The following DCAF17 variants were observed in gnomAD, a reference collection of about 807,000 sequenced individuals.
DCAF17 encodes DDB1- and CUL4-associated factor 17.
A neutral mutation model predicts 66.0 loss-of-function variants in DCAF17; 48 were observed. The observed-to-expected ratio is 0.73, with a 90% CI of 0.58 to 0.92. The LOEUF is 0.92. Ranked by LOEUF, DCAF17 falls within the 40% of genes least tolerant of loss-of-function variation. The probability of loss-of-function intolerance (pLI) is 0.00; values close to 1 mark genes in which losing one functional copy is unlikely to be tolerated. For missense variants in DCAF17, 562 were observed against 622.8 expected, an observed-to-expected ratio of 0.90 and a Z score of 1.04; for synonymous variants, 206 against 214.6, an observed-to-expected ratio of 0.96 and a Z score of 0.35.
At chr2:171,441,526 A>C (rs370019169) in intron 2 of DCAF17, among the ~76,000 whole-genome samples, 4 of 152,184 alleles carry the variant, frequency 2.6e-5, no homozygotes, top group African/African-American at 9.7e-5. Context: ...CCTCTTGACT[A>C]TACTGACCCA....
At chr2:171,447,326 A>G in intron 3 of DCAF17, 2 of 308,274 alleles carry the variant, frequency 6.5e-6, no homozygotes, top group Middle Eastern at 1.2e-3. Flanking sequence ...TGGCCTAAGC[A>G]GATACTAGAT....
At position 171,475,256 on chromosome 2, in the gene DCAF17, C is replaced by T. The variant is rs115048187; in HGVS notation, c.1091+1281C>T. ...TTCCCTGATGCCCTTGTTAGATTTG[C>T]TTGCCCATCATATTTTCATTGCACC... On this transcript the variant is annotated intron_variant, in intron 10 of 13. Coordinates refer to ENST00000375255, the MANE Select transcript of DCAF17 (RefSeq NM_025000.4). Among the ~76,000 whole-genome samples, 478 of 152,288 alleles carry T rather than the reference C, an allele frequency of 3.1e-3. 5 individuals carry two copies. Among genetic ancestry groups the T allele is most frequent in the Middle Eastern group, 0.01 (3 of 294 alleles).
chr2:171,445,226 G>A (rs567421835), intron 3 of DCAF17, among the ~76,000 whole-genome samples: 5 of 151,990 alleles, frequency 3.3e-5, no homozygotes, highest in African/African-American at 1.2e-4. Context: ...CCAGGCTCAA[G>A]CAATTCTCCT....
In DCAF17 at chr2:171,478,025, G is replaced by A; in HGVS notation, c.1221G>A (p.Val407=). 6.2e-7 allele frequency: 1 copy of A among 1,613,830 alleles called. No individual in the cohort carries two copies. The highest frequency in any genetic ancestry group is 1.7e-5 in the Admixed American group (1 of 59,984). The change falls in exon 12 of 14, where the codon GTG becomes GTA. Residue 407 remains valine, a synonymous_variant. Coordinates refer to ENST00000375255, the MANE Select transcript of DCAF17 (RefSeq NM_025000.4). ...TCACTGTTACAGCTTCTGGACGGGT[G>A]GTAAAAAAAAGTTTTAACCTTCTGG... is the stretch of plus-strand genomic sequence containing the variant. The part of the protein sequence containing the change: ...NVLTVTASGR[V]VKKSFNLLDD...
At chr2:171,456,070 A>T (rs986941104) in intron 6 of DCAF17, among the ~76,000 whole-genome samples, 3 of 152,078 alleles carry the variant, frequency 2.0e-5, no homozygotes, top group Non-Finnish European at 2.9e-5. Flanking sequence ...TGGTGTTTTC[A>T]TCATGAAATC....
At position 171,483,814 on chromosome 2, in the gene DCAF17, G is replaced by A. The variant is rs1444930622; in HGVS notation, c.*2700G>A. 2.2e-6 allele frequency: 1 copy of A among 453,924 alleles called. No individual in the cohort carries two copies. Among genetic ancestry groups the A allele is most frequent in the Non-Finnish European group, 4.4e-6 (1 of 226,792 alleles). 28.1% of individuals were successfully genotyped at this position (453,924 alleles called of 1,614,324 possible). A position where few individuals can be genotyped will look rare whatever the true frequency, so the allele number is the denominator to read the frequency against. On this transcript the variant is annotated 3_prime_UTR_variant, in exon 14 of 14. Coordinates refer to ENST00000375255, the MANE Select transcript of DCAF17 (RefSeq NM_025000.4). ...AATGAGGAAAGTGAGGCTCACAGAA[G>A]TTAATTGGCCCAGGGTCCCACAACT...
chr2:171,470,574 G>A (rs1020164454), intron 9 of DCAF17, among the ~76,000 whole-genome samples: 3 of 152,134 alleles, frequency 2.0e-5, no homozygotes, highest in African/African-American at 7.2e-5. Context: ...GCCCAGCCCA[G>A]TGACGTTCTC....
intron 2 of DCAF17, among the ~76,000 whole-genome samples, chr2:171,440,284 A>G (rs984755729): frequency 7.2e-5 from 11 of 152,196 alleles, no homozygotes; most frequent in Non-Finnish European, 1.5e-4. Context: ...ATGATATGAT[A>G]TATTGGATAG....
At chr2:171,461,079 A>G (rs554485915) in intron 8 of DCAF17, among the ~76,000 whole-genome samples, 1 of 152,226 alleles carries the variant, frequency 6.6e-6, no homozygotes, top group Non-Finnish European at 1.5e-5. Flanking sequence ...AGGTCTATAC[A>G]AATAGTATTT....
chr2:171,471,681 A>C, intron 9 of DCAF17, among the ~76,000 whole-genome samples: 1 of 152,332 alleles, frequency 6.6e-6, no homozygotes, highest in Non-Finnish European at 1.5e-5. Context: ...AAACTCATTA[A>C]TTGATTTGAT....
At chr2:171,443,984 C>T (rs1015310858) in intron 3 of DCAF17, among the ~76,000 whole-genome samples, 14 of 151,858 alleles carry the variant, frequency 9.2e-5, no homozygotes, top group South Asian at 4.2e-4. Context: ...AGTTATTTTA[C>T]GTTATTTTAC....
chr2:171,477,886 G>C, intron 11 of DCAF17, 101 bp from the exon 12 acceptor site: 1 of 888,024 alleles, frequency 1.1e-6, no homozygotes, highest in Non-Finnish European at 1.9e-6. Flanking sequence ...GTGGATGTGG[G>C]AGAAGGGTTG....
At chr2:171,476,681 G>A (rs567248500) in intron 10 of DCAF17, among the ~76,000 whole-genome samples, 179 bp from the exon 11 acceptor site, 1 of 152,250 alleles carries the variant, frequency 6.6e-6, no homozygotes, top group African/African-American at 2.4e-5. Flanking sequence ...CAGAATCTCC[G>A]AATTTGAAGG....
intron 2 of DCAF17, 61 bp downstream of exon 2, chr2:171,435,247 G>T: frequency 7.7e-7 from 1 of 1,292,372 alleles, no homozygotes; most frequent in Non-Finnish European, 1.1e-6. Flanking sequence ...ACTATAATTT[G>T]TATAGAACCA....
rs1300452905 is a variant in DCAF17, at chr2:171,481,747, C to T, written c.*633C>T. The T allele has an allele frequency of 2.2e-6, 1 of 453,694 alleles. No homozygotes were observed. Among genetic ancestry groups the T allele is most frequent in the Admixed American group, 2.4e-5 (1 of 42,514 alleles). 28.1% of individuals were successfully genotyped at this position (453,694 alleles called of 1,614,324 possible). On this transcript the variant is annotated 3_prime_UTR_variant, in exon 14 of 14. Transcript: ENST00000375255. ...GGTTTTGTTCTCTTGGCTTGATGTT[C>T]ACATTGAATATTTGTGTTTCTATAT...
In DCAF17 at chr2:171,468,940, T is replaced by G. The variant is rs1286983436; in HGVS notation, c.891T>G (p.Ile297Met). ...EVSSLENAFQ[I>M]GGHPWHYIVT... ...CATCCCTGGAGAATGCTTTTCAGAT[T>G]GGAGGCCATCCTTGGCACTACATCG... Residue 297 changes from isoleucine (I) to methionine (M), a missense_variant, in exon 9 of 14, where the codon ATT (isoleucine) becomes ATG (methionine). Transcript: ENST00000375255. 1.2e-6 allele frequency: 2 copies of G among 1,614,144 alleles called. No homozygotes were observed. The highest frequency in any genetic ancestry group is 1.7e-6 in the Non-Finnish European group (2 of 1,180,002).
intron 8 of DCAF17, among the ~76,000 whole-genome samples, chr2:171,468,245 T>C (rs2105793934): frequency 6.6e-6 from 1 of 152,272 alleles, no homozygotes; most frequent in East Asian, 1.9e-4. Flanking sequence ...AGAAACTGAC[T>C]GGATATATCT....
chr2:171,484,278 A>G lies in DCAF17; in HGVS notation c.*3164A>G, dbSNP rs1287951360. On this transcript the variant is annotated 3_prime_UTR_variant, in exon 14 of 14. Coordinates refer to ENST00000375255, the MANE Select transcript of DCAF17 (RefSeq NM_025000.4). The stretch of plus-strand genomic sequence containing the variant: ...TTTCTGGTCCCTGTGTTGCTATCAA[A>G]TCTGTATCTTGCAGAAAGAATAATT... The G allele has an allele frequency of 2.3e-6, 1 of 442,744 alleles. No homozygotes were observed. Among genetic ancestry groups the G allele is most frequent in the African/African-American group, 2.0e-5 (1 of 49,240 alleles). The allele number at this position is 442,744 out of a possible 1,614,324, so 27.4% of individuals were successfully genotyped here.
intron 8 of DCAF17, among the ~76,000 whole-genome samples, chr2:171,466,923 C>G (rs1241074752): frequency 1.3e-5 from 2 of 150,980 alleles, no homozygotes; most frequent in Admixed American, 1.3e-4. Context: ...GTGTGTATTT[C>G]TCTTATAATT....
Sources: allele counts gnomAD v4.1 joint callset (sites outside exome capture counted in the v4.1 genomes callset), GRCh38; gene constraint gnomAD v4.1.1; transcripts MANE v1.5; gene names NCBI Gene and HGNC (gene_info 2026-07-23, HGNC 2026-07-21).